Variants in KIF6 observed in about 807,000 individuals in gnomAD.
The protein encoded by KIF6 is kinesin family member 6, also known as kinesin-like protein KIF6.
A neutral mutation model predicts 112.7 loss-of-function variants in KIF6; 106 were observed. The ratio of observed to expected loss-of-function variants is 0.94; its 90% CI spans 0.80 to 1.11. KIF6 has a LOEUF of 1.11. Among genes scored for constraint, KIF6 ranks in the 50% least tolerant of loss-of-function variants. The probability of loss-of-function intolerance (pLI) is 0.00; values close to 1 mark genes in which losing one functional copy is unlikely to be tolerated. For synonymous variants in KIF6, 339 were observed against 339.9 expected (o/e 1.00, Z 0.03); for missense variants, 929 against 964.0 (o/e 0.96, Z 0.48).
chr6:39,372,080 G>A (rs375352783), intron 16 of KIF6, among the ~76,000 whole-genome samples: 46 of 152,296 alleles, frequency 3.0e-4, no homozygotes, highest in African/African-American at 1.0e-3. Flanking sequence ...GCCTGAGTTG[G>A]GGTAAGGGAG....
chr6:39,620,209 T>G (rs569088057), intron 5 of KIF6: 9 of 152,224 alleles, frequency 5.9e-5, no homozygotes, highest in Non-Finnish European at 1.3e-4. Flanking sequence ...AATGTCTTGT[T>G]TGGCCTAATT....
intron 3 of KIF6, among the ~76,000 whole-genome samples, chr6:39,665,666 T>G (rs1232068078): frequency 6.6e-6 from 1 of 152,092 alleles, no homozygotes; most frequent in Non-Finnish European, 1.5e-5. Context: ...CTGGCCAACT[T>G]TCACGATCAT....
intron 3 of KIF6, among the ~76,000 whole-genome samples, chr6:39,658,681 A>T (rs992615954): frequency 2.0e-5 from 3 of 152,218 alleles, no homozygotes; most frequent in African/African-American, 7.2e-5. Context: ...TAACATGTTA[A>T]GTTCAGAGTC....
chr6:39,337,217 TTCTTTCTTTCTTTC>T (rs1180569354), intron 22 of KIF6, among the ~76,000 whole-genome samples: 1 of 117,938 alleles, frequency 8.5e-6, no homozygotes, highest in African/African-American at 4.6e-5. Context: ...CTTTCTTTCT[TTCTTTCTTTCTTTC>T]TTTCTTTTTC....
At chr6:39,605,142 TG>T (rs1205384913) in intron 6 of KIF6, among the ~76,000 whole-genome samples, 1 of 152,134 alleles carries the variant, frequency 6.6e-6, no homozygotes, top group Non-Finnish European at 1.5e-5. Flanking sequence ...CATTAAGGTT[TG>T]CTCTCTGAAC....
intron 4 of KIF6, among the ~76,000 whole-genome samples, chr6:39,635,255 T>C (rs2150759355): frequency 6.6e-6 from 1 of 152,188 alleles, no homozygotes; most frequent in East Asian, 1.9e-4. Flanking sequence ...GTTGCAGAAC[T>C]GTATAACACA....
At position 39,439,773 on chromosome 6, in the gene KIF6, C is replaced by A. The variant is rs149701040; in HGVS notation, c.1646-8612G>T. Among the ~76,000 whole-genome samples the A allele has an allele frequency of 9.5e-3, 1,443 of 152,142 alleles. 16 individuals are homozygous for A. The highest frequency in any genetic ancestry group is 0.041 in the Middle Eastern group (12 of 294). The stretch of plus-strand genomic sequence containing the variant: ...CAACTTGGTACTTTGGGAAGCCCTC[C>A]CCATCCCCAACACAGGGTCCCATGG... On this transcript the variant is annotated intron_variant, in intron 13 of 22. Transcript: ENST00000287152.
At position 39,548,007 on chromosome 6, in the gene KIF6, T is replaced by G. The variant is rs1779156453; in HGVS notation, c.1182-2319A>C. ...AATACATAGCAGAAATTTTGAAATT[T>G]CAAAAATCACTGTGGGTTCTAGAAT... is the stretch of plus-strand genomic sequence containing the variant. On this transcript the variant is annotated intron_variant, in intron 10 of 22. Transcript: ENST00000287152. Among the ~76,000 whole-genome samples, 3 of 152,326 alleles carry G rather than the reference T, an allele frequency of 2.0e-5. No individual in the cohort carries two copies. In the East Asian group the frequency reaches 5.8e-4, roughly 29 times the overall value.
At chr6:39,719,149 T>C (rs1385729330) in intron 2 of KIF6, among the ~76,000 whole-genome samples, 1 of 152,106 alleles carries the variant, frequency 6.6e-6, no homozygotes, top group Non-Finnish European at 1.5e-5. Flanking sequence ...TGAAACCCTG[T>C]CTCTACTAAA....
Position 39,540,119 on chromosome 6 carries a change from G to C in KIF6, c.1529C>G (p.Pro510Arg), listed in dbSNP as rs370276826. The part of the protein sequence containing the change: ...RREFRQSQSP[P>R]FRLGNPEEGQ... ...TTCTTCTGGGTTTCCTAGGCGGAAG[G>C]GTGGGCTCTGGGACTGTCTGAATTC... The change falls in exon 13 of 23, where the codon CCC becomes CGC. Residue 510 changes from proline to arginine, a missense_variant. Coordinates refer to ENST00000287152, the MANE Select transcript of KIF6 (RefSeq NM_145027.6). The C allele has an allele frequency of 5.5e-5, 88 of 1,614,034 alleles. No individual in the cohort carries two copies. The highest frequency in any genetic ancestry group is 6.6e-5 in the South Asian group (6 of 91,084).
chr6:39,536,396 C>T (rs1308056039), intron 13 of KIF6, among the ~76,000 whole-genome samples: 2 of 151,884 alleles, frequency 1.3e-5, no homozygotes, highest in Non-Finnish European at 2.9e-5. Context: ...ACCACTGATC[C>T]CACAGAAATA....
At chr6:39,600,866 A>C (rs1425016155) in intron 6 of KIF6, among the ~76,000 whole-genome samples, 1 of 152,158 alleles carries the variant, frequency 6.6e-6, no homozygotes, top group Non-Finnish European at 1.5e-5. Context: ...TAGTGTTAAA[A>C]GCTTACTAGT....
chr6:39,499,112 C>G (rs1042973813), intron 13 of KIF6, among the ~76,000 whole-genome samples: 1 of 152,184 alleles, frequency 6.6e-6, no homozygotes, highest in Admixed American at 6.5e-5. Flanking sequence ...AACCTGTGGG[C>G]TGAGCACTGT....
intron 15 of KIF6, among the ~76,000 whole-genome samples, chr6:39,400,794 A>G (rs147009442): frequency 5.0e-4 from 76 of 152,336 alleles, no homozygotes; most frequent in African/African-American, 1.8e-3. Flanking sequence ...AAGGGTATCA[A>G]TGAAGAGTGA....
chr6:39,656,564 C>G (rs1785795801), intron 3 of KIF6, among the ~76,000 whole-genome samples: 1 of 152,190 alleles, frequency 6.6e-6, no homozygotes, highest in African/African-American at 2.4e-5. Flanking sequence ...TGTCATTTCC[C>G]ATGATTTCCA....
intron 9 of KIF6, among the ~76,000 whole-genome samples, chr6:39,579,290 T>C (rs183051089): frequency 9.2e-5 from 14 of 152,278 alleles, no homozygotes; most frequent in African/African-American, 3.1e-4. Flanking sequence ...TAAAATGATA[T>C]CTCATTTTAG....
chr6:39,431,405 G>A (rs539139703), intron 13 of KIF6: 23 of 375,584 alleles, frequency 6.1e-5, no homozygotes, highest in African/African-American at 1.4e-4. Flanking sequence ...CGTGGGGGGC[G>A]GGGTTTGGAA....
intron 16 of KIF6, among the ~76,000 whole-genome samples, chr6:39,364,522 T>A (rs1765417783): frequency 6.6e-6 from 1 of 152,208 alleles, no homozygotes; most frequent in African/African-American, 2.4e-5. Context: ...GGTCTTGACA[T>A]AATACTTCCA....
intron 7 of KIF6, among the ~76,000 whole-genome samples, chr6:39,588,175 AT>A (rs1306330179): frequency 6.6e-6 from 1 of 152,020 alleles, no homozygotes; most frequent in Non-Finnish European, 1.5e-5. Context: ...CTTTCTCCCT[AT>A]GTAATCTCAT....
Sources: gnomAD v4.1 joint callset for allele counts (sites outside exome capture counted in the v4.1 genomes callset) on GRCh38, gnomAD v4.1.1 for gene constraint, MANE v1.5 for transcripts, NCBI Gene and HGNC (gene_info 2026-07-23, HGNC 2026-07-21) for gene names.